CNTNAP2: variants seen among roughly 807,000 people sequenced by gnomAD.
CNTNAP2 encodes contactin-associated protein-like 2.
CNTNAP2 carries 98 observed loss-of-function variants against 155.2 expected under a neutral mutation model. That is an observed-to-expected ratio of 0.63 (90% CI 0.54 to 0.75). CNTNAP2 has a LOEUF of 0.75. CNTNAP2 is among the 30% of genes least tolerant of loss of function. CNTNAP2 has a pLI of 0.00. For missense variants in CNTNAP2, 1,727 were observed against 1,688.1 expected, an observed-to-expected ratio of 1.02 and a Z score of -0.40; for synonymous variants, 651 against 631.2, an observed-to-expected ratio of 1.03 and a Z score of -0.47.
chr7:148,131,730 T>C (rs1176069104), intron 16 of CNTNAP2, among the ~76,000 whole-genome samples: 1 of 152,206 alleles, frequency 6.6e-6, no homozygotes, highest in Non-Finnish European at 1.5e-5. Flanking sequence ...GGCTTGATAT[T>C]TTTATAAAAA....
chr7:146,633,173 A>G (rs1048526292), intron 1 of CNTNAP2, among the ~76,000 whole-genome samples: 4 of 152,160 alleles, frequency 2.6e-5, no homozygotes, highest in African/African-American at 9.6e-5. Context: ...CACCCCGTAG[A>G]TTATACTTTT....
Position 146,782,449 on chromosome 7 carries a change from A to G in CNTNAP2, c.208+8068A>G, listed in dbSNP as rs187449762. ...AGGCAGTGCTGAGCAGTAAAAGGAGAGTGGCTTGTCTTCATGCCTAACTAA... is the reference window on the plus strand; with the variant it reads ...AGGCAGTGCTGAGCAGTAAAAGGAGGGTGGCTTGTCTTCATGCCTAACTAA... On this transcript the variant is annotated intron_variant, in intron 2 of 23. Transcript: ENST00000361727. Among the ~76,000 whole-genome samples, 159 of 152,260 alleles carry G rather than the reference A, an allele frequency of 1.0e-3. 2 individuals carry two copies. Among genetic ancestry groups the G allele is most frequent in the African/African-American group, 3.8e-3 (157 of 41,552 alleles).
intron 8 of CNTNAP2, among the ~76,000 whole-genome samples, chr7:147,159,584 T>C (rs1358346086): frequency 1.3e-5 from 2 of 152,126 alleles, no homozygotes; most frequent in African/African-American, 2.4e-5. Flanking sequence ...ATATTTTAAA[T>C]ATGCGGAACA....
intron 3 of CNTNAP2, among the ~76,000 whole-genome samples, chr7:146,871,019 C>G (rs17170283): frequency 0.067 from 10,154 of 152,142 alleles, 410 homozygotes; most frequent in South Asian, 0.12. Context: ...TAAAAACTTA[C>G]AAATAGATGG....
At chr7:146,444,184 C>G (rs1796367976) in intron 1 of CNTNAP2, among the ~76,000 whole-genome samples, 1 of 152,100 alleles carries the variant, frequency 6.6e-6, no homozygotes, top group South Asian at 2.1e-4. Flanking sequence ...GCCACCATGC[C>G]TGACAAATTT....
At chr7:147,145,770 A>G (rs938224482) in intron 8 of CNTNAP2, among the ~76,000 whole-genome samples, 3 of 152,046 alleles carry the variant, frequency 2.0e-5, no homozygotes, top group Non-Finnish European at 2.9e-5. Flanking sequence ...CTTTGATTTC[A>G]CTTTTGCTTT....
At chr7:147,592,073 T>C (rs999501084) in intron 12 of CNTNAP2, among the ~76,000 whole-genome samples, 5 of 152,208 alleles carry the variant, frequency 3.3e-5, no homozygotes, top group African/African-American at 1.2e-4. Context: ...TCACTGACAT[T>C]GTATAGGATA....
intron 8 of CNTNAP2, among the ~76,000 whole-genome samples, chr7:147,277,617 T>G (rs1804927321): frequency 6.6e-6 from 1 of 151,840 alleles, no homozygotes; most frequent in Non-Finnish European, 1.5e-5. Context: ...AATTTGCACA[T>G]ATACATTATA....
chr7:146,566,371 T>G (rs1442073965), intron 1 of CNTNAP2, among the ~76,000 whole-genome samples: 1 of 152,184 alleles, frequency 6.6e-6, no homozygotes, highest in Non-Finnish European at 1.5e-5. Flanking sequence ...TCATAGTAAT[T>G]TTTTCTTTGA....
chr7:146,558,464 A>G (rs1184272192), intron 1 of CNTNAP2, among the ~76,000 whole-genome samples: 1 of 152,110 alleles, frequency 6.6e-6, no homozygotes, highest in African/African-American at 2.4e-5. Flanking sequence ...TTACATATTT[A>G]ATGTATCCAA....
chr7:146,619,376 T>G (rs943237442), intron 1 of CNTNAP2, among the ~76,000 whole-genome samples: 2 of 152,172 alleles, frequency 1.3e-5, no homozygotes, highest in African/African-American at 4.8e-5. Context: ...GTTGAAAACT[T>G]ACTTTACTAA....
chr7:148,319,757 C>A (rs542706160), intron 21 of CNTNAP2, among the ~76,000 whole-genome samples: 14 of 151,724 alleles, frequency 9.2e-5, no homozygotes, highest in African/African-American at 3.4e-4. Flanking sequence ...TATCTCCCAT[C>A]ACCCCTGAGA....
At position 146,456,236 on chromosome 7, in the gene CNTNAP2, T is replaced by C. The variant is rs142315074; in HGVS notation, c.98-318035T>C. On this transcript the variant is annotated intron_variant, in intron 1 of 23. Transcript: ENST00000361727. Reference sequence around the variant, plus strand: ...ATTTCCAAAATCAAAAGTAAGATACTTTAGGTATGTATGTATATATGTATT... The same window carrying C: ...ATTTCCAAAATCAAAAGTAAGATACCTTAGGTATGTATGTATATATGTATT... Among the ~76,000 whole-genome samples, 1,198 of 152,252 alleles carry C rather than the reference T, an allele frequency of 7.9e-3. 11 individuals are homozygous for C. The highest frequency in any genetic ancestry group is 0.028 in the African/African-American group (1,143 of 41,538).
rs552058480 is a variant in CNTNAP2 at position 148,365,850 on chromosome 7, A to G, written c.3476-17799A>G. On this transcript the variant is annotated intron_variant, in intron 21 of 23. Transcript: ENST00000361727. ...TGTATGCATGTATACATGCATGTGT[A>G]TGCATGTATACATGTATGTGTATGC... Among the ~76,000 whole-genome samples, 41 of 93,360 alleles carry G rather than the reference A, an allele frequency of 4.4e-4. 10 individuals carry two copies. Among genetic ancestry groups the G allele is most frequent in the African/African-American group, 3.4e-4 (7 of 20,400 alleles). The allele number at this position is 93,360 out of a possible 152,430, so 61.2% of individuals were successfully genotyped here.
At chr7:148,222,984 A>T (rs1341478852) in intron 19 of CNTNAP2, among the ~76,000 whole-genome samples, 2 of 152,186 alleles carry the variant, frequency 1.3e-5, no homozygotes, top group African/African-American at 4.8e-5. Context: ...GTGAAACTCA[A>T]ATGACAATAT....
chr7:146,301,629 A>G (rs1489046063), intron 1 of CNTNAP2, among the ~76,000 whole-genome samples: 1 of 152,018 alleles, frequency 6.6e-6, no homozygotes, highest in Non-Finnish European at 1.5e-5. Context: ...CTGTCTCAAC[A>G]ATAACAACAA....
At position 146,593,934 on chromosome 7, in the gene CNTNAP2, A is replaced by G. The variant is rs572112103; in HGVS notation, c.98-180337A>G. On this transcript the variant is annotated intron_variant, in intron 1 of 23. Transcript: ENST00000361727. ...AGAGTTAGTTTAGCCAGGTTCTCCCATGCTTCATATCTGATCACCATCAAT... is the reference window on the plus strand; with the variant it reads ...AGAGTTAGTTTAGCCAGGTTCTCCCGTGCTTCATATCTGATCACCATCAAT... Among the ~76,000 whole-genome samples the G allele has an allele frequency of 1.6e-4, 24 of 152,218 alleles. No individual in the cohort carries two copies. The East Asian group carries it at 4.3e-3, about 27-fold the overall frequency.
chr7:148,361,342 A>G (rs1311631294), intron 21 of CNTNAP2, among the ~76,000 whole-genome samples: 2 of 152,178 alleles, frequency 1.3e-5, no homozygotes, highest in African/African-American at 2.4e-5. Flanking sequence ...CGCAGTCTTC[A>G]GGGTCTGTCT....
chr7:148,297,191 A>AGGAAGGAAGGAAGGAAGGAAGGAAGGAG (rs1797302591), intron 21 of CNTNAP2, among the ~76,000 whole-genome samples: 3 of 151,762 alleles, frequency 2.0e-5, no homozygotes, highest in Non-Finnish European at 4.4e-5. Flanking sequence ...GAAGGAAGGA[A>AGGAAGGAAGGAAGGAAGGAAGGAAGGAG]GGAAGGAAGG....
Sources: allele counts gnomAD v4.1 joint callset (sites outside exome capture counted in the v4.1 genomes callset), GRCh38; gene constraint gnomAD v4.1.1; transcripts MANE v1.5; gene names NCBI Gene and HGNC (gene_info 2026-07-23, HGNC 2026-07-21).